The following PHF24 variants were observed in gnomAD, a reference collection of about 807,000 sequenced individuals.
PHF24 encodes the protein Galpha inhibitory interacting protein.
A neutral mutation model predicts 42.6 loss-of-function variants in PHF24; 25 were observed. The observed-to-expected ratio is 0.59, with a 90% CI of 0.43 to 0.82. The LOEUF (loss-of-function observed/expected upper bound fraction) is 0.82. Ranked by LOEUF, PHF24 falls within the 40% of genes least tolerant of loss-of-function variation. The probability of loss-of-function intolerance (pLI) is 0.00; values close to 1 mark genes in which losing one functional copy is unlikely to be tolerated. For synonymous variants in PHF24, 185 were observed against 204.8 expected (o/e 0.90, Z 0.83); for missense variants, 470 against 538.1 (o/e 0.87, Z 1.25).
chr9:34,728,774 T>C, the PHF24 span: 1 of 919,436 alleles, frequency 1.1e-6, no homozygotes, highest in Non-Finnish European at 1.7e-6. Context: ...CTGTATTTTA[T>C]ACACTCTCCT....
chr9:34,730,756 C>T, the PHF24 span, among the ~76,000 whole-genome samples: 2 of 152,130 alleles, frequency 1.3e-5, no homozygotes, highest in Admixed American at 6.5e-5. Context: ...CCTGGGTAGT[C>T]GAAGTTAAGT....
At chr9:34,666,042 A>T in the PHF24 span, 2 of 315,034 alleles carry the variant, frequency 6.3e-6, no homozygotes, top group Admixed American at 4.8e-5. Flanking sequence ...TCCACCCCGG[A>T]AACGGACCGT....
chr9:34,761,324 A>C, the PHF24 span, among the ~76,000 whole-genome samples: 1 of 152,002 alleles, frequency 6.6e-6, no homozygotes, highest in African/African-American at 2.4e-5. Flanking sequence ...GTTTTTTTTA[A>C]TAGATGGGGT....
exon 8 of PHF24, chr9:34,978,278 T>G: frequency 1.7e-6 from 1 of 600,582 alleles, no homozygotes; most frequent in African/African-American, 1.9e-5. Flanking sequence ...CCCCTCACAA[T>G]AGAGGCAGTG....
upstream of PHF24, among the ~76,000 whole-genome samples, chr9:34,956,460 A>G (rs1826374462): frequency 6.6e-6 from 1 of 152,102 alleles, no homozygotes; most frequent in African/African-American, 2.4e-5. Flanking sequence ...GGGTTTCACT[A>G]TGTTGGCCAG....
the PHF24 span, chr9:34,917,699 A>G: frequency 3.8e-6 from 3 of 787,244 alleles, no homozygotes; most frequent in Non-Finnish European, 4.7e-6. Flanking sequence ...TGGCAGGGAC[A>G]TCGTGGAGGC....
chr9:34,759,420 A>G, the PHF24 span, among the ~76,000 whole-genome samples: 4 of 152,030 alleles, frequency 2.6e-5, no homozygotes, highest in Non-Finnish European at 4.4e-5. Context: ...GCGGCCCTGC[A>G]TAGTGTGCGG....
chr9:34,977,136 C>T, exon 6 of PHF24: 1 of 1,613,408 alleles, frequency 6.2e-7, no homozygotes, highest in Admixed American at 1.7e-5. Context: ...CCCGAGCCGC[C>T]TTCCTGGCTC....
the PHF24 span, among the ~76,000 whole-genome samples, chr9:34,937,229 T>C: frequency 6.6e-6 from 1 of 152,166 alleles, no homozygotes; most frequent in Non-Finnish European, 1.5e-5. Context: ...GGGGAAAAGA[T>C]TGAGAAATCG....
chr9:34,886,485 A>G, the PHF24 span, among the ~76,000 whole-genome samples: 1 of 152,162 alleles, frequency 6.6e-6, no homozygotes, highest in Non-Finnish European at 1.5e-5. Context: ...TCCGCATCTT[A>G]ATTGACTGAT....
chr9:34,717,441 G>C, the PHF24 span, among the ~76,000 whole-genome samples: 1 of 152,154 alleles, frequency 6.6e-6, no homozygotes, highest in Non-Finnish European at 1.5e-5. Context: ...ATGTCAAAGA[G>C]TCTGAGAGTC....
At position 34,971,431 on chromosome 9, in the gene PHF24, C is replaced by T. The variant is rs201890559; in HGVS notation, c.133C>T (p.Arg45Cys). ...CACAGGTGAGCTGCCAGGGTCCCGC[C>T]GTGGCACTGTAGAGGGCTCCGTCCA... The change falls in exon 2 of 8, where the codon CGT becomes TGT. Residue 45 changes from arginine (R) to cysteine (C), a missense_variant. By Grantham distance (180) the Arg-to-Cys change is radical. Coordinates refer to ENST00000242315, the Ensembl canonical transcript of PHF24. The T allele has an allele frequency of 1.0e-4, 167 of 1,613,984 alleles. No homozygotes were observed. Among genetic ancestry groups the T allele is most frequent in the Non-Finnish European group, 1.1e-4 (124 of 1,180,040 alleles).
At chr9:34,697,935 A>T in the PHF24 span, among the ~76,000 whole-genome samples, 1 of 152,160 alleles carries the variant, frequency 6.6e-6, no homozygotes, top group African/African-American at 2.4e-5. Flanking sequence ...GACAGATGTT[A>T]CCACCTAACC....
At chr9:34,961,045 G>A (rs536746890) in intron 1 of PHF24, among the ~76,000 whole-genome samples, 1 of 152,156 alleles carries the variant, frequency 6.6e-6, no homozygotes, top group Non-Finnish European at 1.5e-5. Flanking sequence ...TCTAACATTT[G>A]CCATTCCTTT....
the PHF24 span, among the ~76,000 whole-genome samples, chr9:34,832,071 C>T: frequency 6.6e-6 from 1 of 152,148 alleles, no homozygotes; most frequent in African/African-American, 2.4e-5. Context: ...TCACACCTTC[C>T]CTTAACACAA....
chr9:34,881,623 A>G, the PHF24 span, among the ~76,000 whole-genome samples: 4 of 152,228 alleles, frequency 2.6e-5, no homozygotes, highest in African/African-American at 9.6e-5. Flanking sequence ...GAAATGGATA[A>G]ATTTCTGGAC....
the PHF24 span, among the ~76,000 whole-genome samples, chr9:34,873,473 A>G: frequency 1.5e-4 from 22 of 150,798 alleles, no homozygotes; most frequent in East Asian, 3.5e-3. Context: ...TCCTTTCCCC[A>G]TTTCTTGTTT....
At chr9:34,916,562 A>G in the PHF24 span, among the ~76,000 whole-genome samples, 1 of 152,224 alleles carries the variant, frequency 6.6e-6, no homozygotes, top group Admixed American at 6.5e-5. Flanking sequence ...AAAACTTAAC[A>G]TTAAAGTACC....
the PHF24 span, among the ~76,000 whole-genome samples, chr9:34,722,109 G>C: frequency 1.3e-5 from 2 of 152,138 alleles, no homozygotes; most frequent in Non-Finnish European, 2.9e-5. Flanking sequence ...CTGAAGCCAG[G>C]ACCCTCCCTG....
Sources: gnomAD v4.1 joint callset for allele counts (sites outside exome capture counted in the v4.1 genomes callset) on GRCh38, gnomAD v4.1.1 for gene constraint, MANE v1.5 for transcripts, NCBI Gene and HGNC (gene_info 2026-07-23, HGNC 2026-07-21) for gene names.